C10orf67: variants seen among roughly 807,000 people sequenced by gnomAD.
The protein encoded by C10orf67 is chromosome 10 open reading frame 67.
C10orf67 carries 60 observed loss-of-function variants against 35.6 expected under a neutral mutation model. That is an observed-to-expected ratio of 1.68 (90% confidence interval 1.37 to 2.09). The LOEUF (loss-of-function observed/expected upper bound fraction) is 2.09. C10orf67 is among the 30% of genes most tolerant of loss of function. C10orf67 has a pLI of 0.00. For missense variants in C10orf67, 474 were observed against 330.2 expected (o/e 1.44, Z -3.38); for synonymous variants, 167 against 115.8 (o/e 1.44, Z -2.84).
chr10:23,246,069 A>C (rs922669913), intron 12 of C10orf67, among the ~76,000 whole-genome samples: 6 of 152,230 alleles, frequency 3.9e-5, no homozygotes. Flanking sequence ...TGGAGCTGGA[A>C]GCCATTATCG....
At chr10:23,292,927 C>T (rs1297844652) in intron 5 of C10orf67, among the ~76,000 whole-genome samples, 8 of 151,500 alleles carry the variant, frequency 5.3e-5, no homozygotes, top group Non-Finnish European at 8.8e-5. Flanking sequence ...ACGAAGAATC[C>T]GTCATTAATT....
intron 7 of C10orf67, among the ~76,000 whole-genome samples, chr10:23,282,539 G>C (rs1843398317): frequency 6.6e-6 from 1 of 152,280 alleles, no homozygotes; most frequent in South Asian, 2.1e-4. Context: ...GAGGCAGGAG[G>C]ATTGCTTGAG....
At chr10:23,228,640 G>A (rs952289871) in intron 13 of C10orf67, among the ~76,000 whole-genome samples, 3 of 152,158 alleles carry the variant, frequency 2.0e-5, no homozygotes, top group Non-Finnish European at 2.9e-5. Context: ...ACTACCATCA[G>A]AGTGAACAGG....
At chr10:23,254,604 G>A (rs576346868) in intron 10 of C10orf67, among the ~76,000 whole-genome samples, 3 of 151,980 alleles carry the variant, frequency 2.0e-5, no homozygotes, top group East Asian at 3.9e-4. Flanking sequence ...AGAAATAAAG[G>A]TTCATTTATA....
At chr10:23,255,892 G>C (rs1167252252) in intron 10 of C10orf67, among the ~76,000 whole-genome samples, 2 of 152,074 alleles carry the variant, frequency 1.3e-5, no homozygotes, top group Non-Finnish European at 2.9e-5. Flanking sequence ...CTGGAAGGGT[G>C]GTAATGAGAG....
rs559920471 is a variant in C10orf67, at chr10:23,214,331, G to C, written c.1570+9267C>G. 1.5e-3 allele frequency among the ~76,000 whole-genome samples: 221 copies of C among 152,130 alleles called. 3 individuals carry two copies. Among genetic ancestry groups the C allele is most frequent in the African/African-American group, 5.2e-3 (217 of 41,550 alleles). On this transcript the variant is annotated intron_variant, in intron 15 of 15. Transcript: ENST00000636213. ...ATTAATAAGACGAGCTAATAGAAAG[G>C]TTACAAGGAAATTAGGAGTCATTAA...
chr10:23,320,654 T>C, intron 4 of C10orf67, 87 bp downstream of exon 4: 2 of 1,018,474 alleles, frequency 2.0e-6, no homozygotes, highest in Non-Finnish European at 2.9e-6. Context: ...AAACACAGAC[T>C]GGGAAGCCAA....
intron 15 of C10orf67, among the ~76,000 whole-genome samples, chr10:23,219,202 G>A (rs958578695): frequency 4.6e-5 from 7 of 152,154 alleles, no homozygotes; most frequent in African/African-American, 1.7e-4. Flanking sequence ...TTCCCTAGAA[G>A]TCTCAGAGAA....
Position 23,250,619 on chromosome 10 carries a change from C to A in C10orf67, c.1273G>T (p.Val425Leu). 1 of 398,636 alleles carries A rather than the reference C, an allele frequency of 2.5e-6. No individual in the cohort carries two copies. The highest frequency in any genetic ancestry group is 4.4e-6 in the Non-Finnish European group (1 of 225,880). 24.7% of individuals were successfully genotyped at this position (398,636 alleles called of 1,614,324 possible). The change falls in exon 11 of 16, where the codon GTG becomes TTG. Residue 425 changes from valine (V) to leucine (L), a missense_variant. Val to Leu is a conservative substitution (Grantham distance 32). Coordinates refer to ENST00000636213, the MANE Select transcript of C10orf67 (RefSeq NM_001371909.1). ...KANLENEKKK[V>L]ERFRKEADRL... is the part of the protein sequence containing the mutation. ...TTACTCTATTACCAGTACCTTTCCA[C>A]CTTCTTTTTCTCATTCTCTAAATTT...
At chr10:23,280,503 G>T (rs1843337791) in intron 8 of C10orf67, among the ~76,000 whole-genome samples, 1 of 152,124 alleles carries the variant, frequency 6.6e-6, no homozygotes, top group Non-Finnish European at 1.5e-5. Context: ...GACCTCGATG[G>T]GTCCAAAGCA....
rs141040295 is a variant in C10orf67, at chr10:23,319,002, T to C, written c.546+1739A>G. 124 of 715,184 alleles carry C rather than the reference T, an allele frequency of 1.7e-4. 1 individual carries two copies. In the East Asian group the frequency reaches 3.1e-3, roughly 18 times the overall value. 44.3% of individuals were successfully genotyped at this position (715,184 alleles called of 1,614,324 possible). ...GGTCTTCCATGAGAACCCTTTTTTTTCTTTCCAATTTTTGTTTTAGGTTCA... is the reference window on the plus strand; with the variant it reads ...GGTCTTCCATGAGAACCCTTTTTTTCCTTTCCAATTTTTGTTTTAGGTTCA... On this transcript the variant is annotated intron_variant, in intron 4 of 15. Transcript: ENST00000636213.
chr10:23,303,519 T>G (rs576478003), intron 4 of C10orf67, 60 bp from the exon 5 acceptor site: 16 of 431,024 alleles, frequency 3.7e-5, no homozygotes, highest in African/African-American at 3.3e-4. Flanking sequence ...ATTAGGCACT[T>G]ACACTAAATT....
At chr10:23,282,642 C>T (rs969397950) in intron 7 of C10orf67, among the ~76,000 whole-genome samples, 3 of 151,972 alleles carry the variant, frequency 2.0e-5, no homozygotes, top group African/African-American at 7.3e-5. Context: ...ACCAGCCTGA[C>T]CCACATGGTG....
intron 15 of C10orf67, among the ~76,000 whole-genome samples, chr10:23,207,403 T>A (rs1166252415): frequency 6.6e-6 from 1 of 152,246 alleles, no homozygotes; most frequent in African/African-American, 2.4e-5. Context: ...CTTTTATTTT[T>A]TGCCTTTTTC....
rs781644891 is a variant in C10orf67 at position 23,333,061 on chromosome 10, C to T, written c.327+1G>A. Reference sequence around the variant, plus strand: ...AAGTTTCAGAACAAATTCAGATTTACCTGTGCTAACTTTTGCGTAGATGAA... The same window carrying T: ...AAGTTTCAGAACAAATTCAGATTTATCTGTGCTAACTTTTGCGTAGATGAA... On this transcript the variant is annotated splice_donor_variant, in intron 2 of 15. Transcript: ENST00000636213. LOFTEE classifies it high-confidence loss of function. The T allele has an allele frequency of 2.1e-5, 33 of 1,609,054 alleles. No homozygotes were observed. The East Asian group carries it at 7.4e-4, about 36-fold the overall frequency.
chr10:23,242,891 C>T lies in C10orf67; in HGVS notation c.1347-3075G>A, dbSNP rs1575776. The stretch of plus-strand genomic sequence containing the variant: ...AAGTAGTAAACACAAACCCAACTAT[C>T]GTATTTTCACTTAAAGTAAATAAAT... On this transcript the variant is annotated intron_variant, in intron 12 of 15. Coordinates refer to ENST00000636213, the MANE Select transcript of C10orf67 (RefSeq NM_001371909.1). 3.1e-3 allele frequency among the ~76,000 whole-genome samples: 469 copies of T among 152,136 alleles called. 14 individuals carry two copies. The East Asian group carries it at 0.05, about 16-fold the overall frequency.
At chr10:23,308,192 G>C (rs1347726479) in intron 4 of C10orf67, among the ~76,000 whole-genome samples, 2 of 152,046 alleles carry the variant, frequency 1.3e-5, no homozygotes, top group East Asian at 1.9e-4. Flanking sequence ...AAACTTGTTC[G>C]ATCTACCCCT....
intron 8 of C10orf67, among the ~76,000 whole-genome samples, chr10:23,269,750 A>G (rs997743276): frequency 4.1e-4 from 63 of 152,132 alleles, no homozygotes; most frequent in East Asian, 1.9e-4. Context: ...TATATCTAGT[A>G]TAGTAGACTT....
chr10:23,275,620 G>A (rs183432185), intron 8 of C10orf67, among the ~76,000 whole-genome samples: 2 of 151,968 alleles, frequency 1.3e-5, no homozygotes, highest in Non-Finnish European at 2.9e-5. Context: ...CACACACACA[G>A]AGGCACTCTA....
Sources: gnomAD v4.1 joint callset for allele counts (sites outside exome capture counted in the v4.1 genomes callset) on GRCh38, gnomAD v4.1.1 for gene constraint, MANE v1.5 for transcripts, NCBI Gene and HGNC (gene_info 2026-07-23, HGNC 2026-07-21) for gene names.